Variants in EPHB2 observed in about 807,000 individuals in gnomAD.
EPHB2 encodes the protein ephrin type-B receptor 2.
Under a neutral mutation model 96.4 loss-of-function variants are expected in EPHB2, and 18 were observed. The ratio of observed to expected loss-of-function variants is 0.19; its 90% CI spans 0.13 to 0.28. EPHB2 has a LOEUF of 0.28. Among genes scored for constraint, EPHB2 ranks in the 10% least tolerant of loss-of-function variants. The pLI, the probability that EPHB2 is intolerant of heterozygous loss-of-function variation, is 1.00. For synonymous variants in EPHB2, 506 were observed against 534.1 expected (o/e 0.95, Z 0.72); for missense variants, 989 against 1,355.4 (o/e 0.73, Z 4.25).
intron 1 of EPHB2, among the ~76,000 whole-genome samples, chr1:22,769,740 A>C (rs368219945): frequency 1.3e-5 from 2 of 152,192 alleles, no homozygotes; most frequent in Non-Finnish European, 1.5e-5. Flanking sequence ...GGCCTGACAC[A>C]TAGTAGGTGT....
Position 22,901,954 on chromosome 1 carries a change from T to G in EPHB2, c.1766-4033T>G, listed in dbSNP as rs575261929. Among the ~76,000 whole-genome samples, 5 of 151,766 alleles carry G rather than the reference T, an allele frequency of 3.3e-5. No homozygotes were observed. In the East Asian group the frequency reaches 7.7e-4, roughly 24 times the overall value. ...AATCCTCCTGCCTCAGCCTCCCAGG[T>G]AGCTGGGATCACAAGCCTGCACTGC... On this transcript the variant is annotated intron_variant, in intron 9 of 15. Coordinates refer to ENST00000374630, the MANE Select transcript of EPHB2 (RefSeq NM_017449.5).
chr1:22,721,076 G>GTT (rs1643453406), intron 1 of EPHB2, among the ~76,000 whole-genome samples: 1 of 152,160 alleles, frequency 6.6e-6, no homozygotes, highest in Non-Finnish European at 1.5e-5. Flanking sequence ...ACCGGGTAAG[G>GTT]GGGTGACTGG....
intron 3 of EPHB2, among the ~76,000 whole-genome samples, chr1:22,799,149 C>G (rs1570297725): frequency 6.6e-6 from 1 of 152,134 alleles, no homozygotes; most frequent in Admixed American, 6.5e-5. Flanking sequence ...AGAGCACTTC[C>G]CCTCGCTCCT....
intron 3 of EPHB2, among the ~76,000 whole-genome samples, chr1:22,848,501 A>G (rs1166836936): frequency 2.6e-5 from 4 of 152,140 alleles, no homozygotes; most frequent in African/African-American, 7.2e-5. Flanking sequence ...CTACAATCAC[A>G]TTGGCTTTTT....
Position 22,880,292 on chromosome 1 carries a change from C to A in EPHB2, c.1304-2067C>A, listed in dbSNP as rs1012953948. On this transcript the variant is annotated intron_variant, in intron 5 of 15. Transcript: ENST00000374630. ...ACCCCACAGCTGATGTTCAGGTTCC[C>A]CTGAACTCCTACCAGGCCTGCTCCA... Among the ~76,000 whole-genome samples, 8 of 152,164 alleles carry A rather than the reference C, an allele frequency of 5.3e-5. No homozygotes were observed. In the East Asian group the frequency reaches 1.5e-3, roughly 29 times the overall value.
chr1:22,771,940 C>T (rs1054594797), intron 1 of EPHB2, among the ~76,000 whole-genome samples: 77 of 152,168 alleles, frequency 5.1e-4, no homozygotes, highest in African/African-American at 1.9e-3. Flanking sequence ...AAAATGGGAC[C>T]AGTAGCAGGC....
chr1:22,718,517 G>T (rs12068351), intron 1 of EPHB2, among the ~76,000 whole-genome samples: 1 of 151,252 alleles, frequency 6.6e-6, no homozygotes, highest in African/African-American at 2.4e-5. Flanking sequence ...TCCCTGAGTA[G>T]CTGGGATTAC....
intron 3 of EPHB2, among the ~76,000 whole-genome samples, chr1:22,839,207 T>G (rs544750821): frequency 6.6e-6 from 1 of 152,324 alleles, no homozygotes; most frequent in South Asian, 2.1e-4. Context: ...CAGGATCTTC[T>G]GAATCTCAAC....
intron 1 of EPHB2, among the ~76,000 whole-genome samples, chr1:22,762,606 A>G (rs1373293135): frequency 6.6e-6 from 1 of 152,100 alleles, no homozygotes; most frequent in Non-Finnish European, 1.5e-5. Context: ...GACCTGGGGA[A>G]GCCCCTTCCC....
intron 1 of EPHB2, 84 bp from the exon 2 acceptor site, chr1:22,781,331 AAAAAAG>A: frequency 3.8e-6 from 5 of 1,306,104 alleles, no homozygotes; most frequent in South Asian, 1.4e-5. Context: ...AAAAAAAAAA[AAAAAAG>A]AAGAAGAAGG....
rs563302012 is a variant in EPHB2, at chr1:22,780,972, T to C, written c.62-449T>C. 2.2e-3 allele frequency among the ~76,000 whole-genome samples: 338 copies of C among 151,912 alleles called. 2 individuals are homozygous for C. The highest frequency in any genetic ancestry group is 8.0e-3 in the African/African-American group (331 of 41,440). ...GGCAGTCTGGAGAGTTAGAGTCAGA[T>C]GACTGGGGCAATGGAAGTAGGCGGG... On this transcript the variant is annotated intron_variant, in intron 1 of 15. Coordinates refer to ENST00000374630, the MANE Select transcript of EPHB2 (RefSeq NM_017449.5).
chr1:22,821,952 T>C (rs963056758), intron 3 of EPHB2, among the ~76,000 whole-genome samples: 1 of 152,086 alleles, frequency 6.6e-6, no homozygotes, highest in Non-Finnish European at 1.5e-5. Context: ...TGGTGGTACT[T>C]GTGGAAGGGG....
At position 22,893,557 on chromosome 1, in the gene EPHB2, G is replaced by A. The variant is rs559016528; in HGVS notation, c.1591+511G>A. ...ACGTTTCCCACTCTGGAACTACATG[G>A]TCTCTAAGCACCATTCCTGCTCTAA... On this transcript the variant is annotated intron_variant, in intron 7 of 15. Transcript: ENST00000374630. Among the ~76,000 whole-genome samples the A allele has an allele frequency of 1.4e-4, 21 of 152,266 alleles. No homozygotes were observed. The South Asian group carries it at 4.4e-3, about 32-fold the overall frequency.
At chr1:22,760,599 C>T (rs1175310227) in intron 1 of EPHB2, among the ~76,000 whole-genome samples, 2 of 152,192 alleles carry the variant, frequency 1.3e-5, no homozygotes, top group African/African-American at 4.8e-5. Context: ...GTCATCCTGG[C>T]CACAGGAGGG....
intron 2 of EPHB2, among the ~76,000 whole-genome samples, chr1:22,781,764 C>G (rs933179103): frequency 6.6e-6 from 1 of 152,128 alleles, no homozygotes; most frequent in African/African-American, 2.4e-5. Context: ...TCACTACCCC[C>G]GTTTTACAGA....
intron 3 of EPHB2, among the ~76,000 whole-genome samples, chr1:22,798,324 A>G: frequency 6.6e-6 from 1 of 152,126 alleles, no homozygotes; most frequent in East Asian, 1.9e-4. Flanking sequence ...AGGGCGCCCC[A>G]CAGGTCTGTC....
intron 1 of EPHB2, among the ~76,000 whole-genome samples, chr1:22,748,692 T>C (rs898901089): frequency 2.0e-4 from 30 of 151,342 alleles, no homozygotes; most frequent in African/African-American, 7.0e-4. Flanking sequence ...GGGTCCTCTT[T>C]TTACAAAAAT....
At chr1:22,866,684 A>C (rs1300503013) in intron 5 of EPHB2, among the ~76,000 whole-genome samples, 1 of 152,044 alleles carries the variant, frequency 6.6e-6, no homozygotes, top group Non-Finnish European at 1.5e-5. Context: ...CTGTAATCCC[A>C]GTACTTTGGG....
At chr1:22,907,587 T>C (rs1307496616) in intron 11 of EPHB2, among the ~76,000 whole-genome samples, 1 of 152,226 alleles carries the variant, frequency 6.6e-6, no homozygotes, top group Non-Finnish European at 1.5e-5. Context: ...CCAGGCACCT[T>C]CCATACACCT....
Sources: allele counts gnomAD v4.1 joint callset (sites outside exome capture counted in the v4.1 genomes callset), GRCh38; gene constraint gnomAD v4.1.1; transcripts MANE v1.5; gene names NCBI Gene and HGNC (gene_info 2026-07-23, HGNC 2026-07-21).